Variants in CTIF observed in about 807,000 individuals in gnomAD.
CTIF encodes the protein CBP80/20-dependent translation initiation factor.
Under a neutral mutation model 66.0 loss-of-function variants are expected in CTIF, and 21 were observed. The observed-to-expected ratio is 0.32, with a 90% CI of 0.23 to 0.46. The LOEUF (loss-of-function observed/expected upper bound fraction) is 0.46, where lower values mean the gene tolerates loss of function less well. Among genes scored for constraint, CTIF ranks in the 20% least tolerant of loss-of-function variants. The pLI, the probability that CTIF is intolerant of heterozygous loss-of-function variation, is 1.00. For missense variants in CTIF, 739 were observed against 812.7 expected (o/e 0.91, Z 1.10); for synonymous variants, 345 against 326.4 (o/e 1.06, Z -0.62).
intron 7 of CTIF, among the ~76,000 whole-genome samples, chr18:48,725,616 A>G (rs1250927459): frequency 6.6e-6 from 1 of 152,140 alleles, no homozygotes; most frequent in Admixed American, 6.5e-5. Flanking sequence ...CTGCTCCTGC[A>G]TCCCGTTTTG....
intron 1 of CTIF, among the ~76,000 whole-genome samples, chr18:48,562,869 A>T (rs1293756963): frequency 6.6e-6 from 1 of 152,240 alleles, no homozygotes; most frequent in South Asian, 2.1e-4. Flanking sequence ...CCAGTAATCT[A>T]TTGGAACCAG....
At chr18:48,742,820 G>GT (rs919993188) in intron 7 of CTIF, among the ~76,000 whole-genome samples, 20 of 152,182 alleles carry the variant, frequency 1.3e-4, no homozygotes, top group East Asian at 1.9e-4. Flanking sequence ...GTATTGGGGT[G>GT]TTTTTTCATC....
intron 6 of CTIF, among the ~76,000 whole-genome samples, chr18:48,700,017 G>C (rs2092061389): frequency 3.3e-5 from 5 of 152,190 alleles, no homozygotes; most frequent in Admixed American, 3.3e-4. Context: ...CCTTCACTGT[G>C]GCCTCCTTAT....
intron 1 of CTIF, among the ~76,000 whole-genome samples, chr18:48,578,785 G>A (rs568519592): frequency 4.4e-4 from 67 of 152,158 alleles, no homozygotes; most frequent in Non-Finnish European, 6.9e-4. Flanking sequence ...CTCCCATTCC[G>A]TGCATTGTCT....
intron 1 of CTIF, among the ~76,000 whole-genome samples, chr18:48,544,545 C>G (rs1399920600): frequency 6.6e-6 from 1 of 152,196 alleles, no homozygotes; most frequent in East Asian, 1.9e-4. Flanking sequence ...AGAGCCAGAC[C>G]CAAATGCTCA....
chr18:48,632,194 GT>G (rs1171531771), intron 2 of CTIF, among the ~76,000 whole-genome samples: 11 of 152,216 alleles, frequency 7.2e-5, no homozygotes, highest in Admixed American at 7.2e-4. Context: ...GATTCAGGCA[GT>G]AGCCCTGGAC....
chr18:48,709,584 C>T (rs1426912939), intron 6 of CTIF, among the ~76,000 whole-genome samples: 1 of 152,228 alleles, frequency 6.6e-6, no homozygotes, highest in African/African-American at 2.4e-5. Flanking sequence ...CGGTAGGGAG[C>T]CTCGGCTTCC....
chr18:48,641,193 G>A (rs1311381761), intron 3 of CTIF, among the ~76,000 whole-genome samples: 4 of 152,246 alleles, frequency 2.6e-5, no homozygotes, highest in African/African-American at 9.6e-5. Context: ...TTTTCAAGGT[G>A]TTGGCATGGG....
chr18:48,848,058 G>A (rs2069118617), intron 10 of CTIF, among the ~76,000 whole-genome samples: 1 of 152,158 alleles, frequency 6.6e-6, no homozygotes, highest in South Asian at 2.1e-4. Flanking sequence ...CGTGTAGGTG[G>A]CAACCATCCT....
chr18:48,621,572 T>A, intron 2 of CTIF: 1 of 389,978 alleles, frequency 2.6e-6, no homozygotes, highest in South Asian at 1.8e-5. Flanking sequence ...ACCAGGCTGC[T>A]CCTGGAGCCC....
intron 1 of CTIF, among the ~76,000 whole-genome samples, chr18:48,548,252 C>T (rs2088802037): frequency 6.6e-6 from 1 of 152,172 alleles, no homozygotes; most frequent in African/African-American, 2.4e-5. Context: ...TAGGCAGTAT[C>T]ATGATCTCAC....
chr18:48,666,971 T>C (rs992803931), intron 5 of CTIF, among the ~76,000 whole-genome samples: 2 of 152,022 alleles, frequency 1.3e-5, no homozygotes, highest in African/African-American at 4.8e-5. Flanking sequence ...GTAGCGGAGC[T>C]TGGGTATGCC....
chr18:48,817,947 G>A (rs1391529671), intron 10 of CTIF, among the ~76,000 whole-genome samples: 1 of 152,218 alleles, frequency 6.6e-6, no homozygotes, highest in Non-Finnish European at 1.5e-5. Flanking sequence ...CGGGAGCACT[G>A]GCTGCAGAGG....
intron 1 of CTIF, among the ~76,000 whole-genome samples, chr18:48,541,215 C>A (rs2088608957): frequency 6.6e-6 from 1 of 152,160 alleles, no homozygotes; most frequent in African/African-American, 2.4e-5. Context: ...CCAAGCCCAG[C>A]GCGCCCCAGC....
chr18:48,613,081 T>C (rs972036839), intron 1 of CTIF, among the ~76,000 whole-genome samples: 1 of 152,102 alleles, frequency 6.6e-6, no homozygotes, highest in Non-Finnish European at 1.5e-5. Context: ...GGTTTGCAGG[T>C]CACTGAACTC....
intron 1 of CTIF, among the ~76,000 whole-genome samples, chr18:48,578,371 ACT>A (rs1011996062): frequency 5.9e-4 from 89 of 152,136 alleles, no homozygotes; most frequent in African/African-American, 2.1e-3. Context: ...TGGTATAGTG[ACT>A]CTATATTAAC....
intron 3 of CTIF, among the ~76,000 whole-genome samples, chr18:48,641,764 G>A (rs1178520871): frequency 6.6e-6 from 1 of 152,166 alleles, no homozygotes; most frequent in Non-Finnish European, 1.5e-5. Flanking sequence ...ACACCCAACT[G>A]GATCCAAATC....
intron 1 of CTIF, among the ~76,000 whole-genome samples, chr18:48,617,637 G>A (rs1005817143): frequency 2.0e-5 from 3 of 152,192 alleles, no homozygotes; most frequent in Non-Finnish European, 4.4e-5. Context: ...TGAGTGGCAG[G>A]TGCAGGAAGA....
At chr18:48,730,712 C>CGCGGTGTGAGGGGCCCCT (rs2092447793) in intron 7 of CTIF, among the ~76,000 whole-genome samples, 1 of 71,174 alleles carries the variant, frequency 1.4e-5, no homozygotes. Flanking sequence ...GAGGGGCTTC[C>CGCGGTGTGAGGGGCCCCT]GCGGTGTGAG....
Sources: allele counts gnomAD v4.1 joint callset (sites outside exome capture counted in the v4.1 genomes callset), GRCh38; gene constraint gnomAD v4.1.1; transcripts MANE v1.5; gene names NCBI Gene and HGNC (gene_info 2026-07-23, HGNC 2026-07-21).